The following GPD1L variants were observed in gnomAD, a reference collection of about 807,000 sequenced individuals.
GPD1L encodes glycerol-3-phosphate dehydrogenase 1-like protein.
A neutral mutation model predicts 32.9 loss-of-function variants in GPD1L; 17 were observed. The observed-to-expected ratio is 0.52, with a 90% CI of 0.35 to 0.78. The LOEUF is 0.78. Among genes scored for constraint, GPD1L ranks in the 30% least tolerant of loss-of-function variants. The pLI is 0.01. For missense variants in GPD1L, 361 were observed against 447.8 expected, an observed-to-expected ratio of 0.81 and a Z score of 1.75; for synonymous variants, 187 against 165.9, an observed-to-expected ratio of 1.13 and a Z score of -0.98.
At chr3:32,128,889 A>G (rs1312603828) in intron 2 of GPD1L, among the ~76,000 whole-genome samples, 1 of 152,228 alleles carries the variant, frequency 6.6e-6, no homozygotes, top group Non-Finnish European at 1.5e-5. Context: ...ATGGTCTGTA[A>G]TTAAAGTCAG....
chr3:32,163,661 T>C (rs1381706166), intron 7 of GPD1L, among the ~76,000 whole-genome samples: 1 of 152,204 alleles, frequency 6.6e-6, no homozygotes, highest in Non-Finnish European at 1.5e-5. Flanking sequence ...TTCAATTTAC[T>C]CATATATAGA....
intron 5 of GPD1L, among the ~76,000 whole-genome samples, chr3:32,158,035 C>A: frequency 6.6e-6 from 1 of 152,168 alleles, no homozygotes. Context: ...TAGGTCATAC[C>A]CAACAGGATT....
At chr3:32,123,839 TAGAC>T (rs139824495) in intron 1 of GPD1L, among the ~76,000 whole-genome samples, 3,682 of 134,484 alleles carry the variant, frequency 0.027, 51 homozygotes, top group African/African-American at 0.037. Context: ...GATAGATAGA[TAGAC>T]AGACAGATAA....
intron 5 of GPD1L, among the ~76,000 whole-genome samples, chr3:32,148,896 AG>A (rs1197602259): frequency 6.6e-6 from 1 of 152,264 alleles, no homozygotes; most frequent in Non-Finnish European, 1.5e-5. Flanking sequence ...AAAGGTGTAA[AG>A]AAGGAAGTAA....
chr3:32,163,351 G>A (rs1701099093), intron 7 of GPD1L, among the ~76,000 whole-genome samples: 1 of 151,808 alleles, frequency 6.6e-6, no homozygotes, highest in Non-Finnish European at 1.5e-5. Context: ...TGTATTTTTA[G>A]TAGAGACGGG....
At chr3:32,123,551 A>G (rs1186629491) in intron 1 of GPD1L, among the ~76,000 whole-genome samples, 1 of 152,002 alleles carries the variant, frequency 6.6e-6, no homozygotes, top group Admixed American at 6.6e-5. Context: ...TCGATCATAG[A>G]CCTGGAAGGA....
Position 32,125,674 on chromosome 3 carries a change from A to T in GPD1L, c.48-2402A>T, listed in dbSNP as rs531005800. 2.6e-5 allele frequency among the ~76,000 whole-genome samples: 4 copies of T among 152,174 alleles called. No homozygotes were observed. In the South Asian group the frequency reaches 8.3e-4, roughly 32 times the overall value. On this transcript the variant is annotated intron_variant, in intron 1 of 7. Transcript: ENST00000282541. ...CTGCTTCCACTTTCTTCCACCTCTT[A>T]CCACACACAGCATCATGAATGCCTT...
chr3:32,116,221 A>G (rs1245334850), intron 1 of GPD1L, among the ~76,000 whole-genome samples: 1 of 152,208 alleles, frequency 6.6e-6, no homozygotes, highest in Non-Finnish European at 1.5e-5. Flanking sequence ...ACACTTTGAC[A>G]ACTGTAATAT....
chr3:32,114,185 C>A (rs1302881951), intron 1 of GPD1L, among the ~76,000 whole-genome samples: 5 of 152,218 alleles, frequency 3.3e-5, no homozygotes, highest in African/African-American at 1.2e-4. Context: ...AGATGACCTC[C>A]TTCATGTCTG....
At chr3:32,137,339 G>A (rs1323207070) in intron 2 of GPD1L, among the ~76,000 whole-genome samples, 2 of 152,190 alleles carry the variant, frequency 1.3e-5, no homozygotes, top group African/African-American at 2.4e-5. Flanking sequence ...GGTTGGTGTA[G>A]CATCATGGTG....
intron 5 of GPD1L, among the ~76,000 whole-genome samples, chr3:32,149,641 A>G (rs1277085202): frequency 1.3e-5 from 2 of 152,120 alleles, no homozygotes; most frequent in Non-Finnish European, 2.9e-5. Flanking sequence ...TTAAAAATCA[A>G]CTTTAAGTGT....
At chr3:32,140,790 C>G (rs1700731990) in intron 4 of GPD1L, among the ~76,000 whole-genome samples, 1 of 152,118 alleles carries the variant, frequency 6.6e-6, no homozygotes, top group Admixed American at 6.6e-5. Context: ...TTGAATGACC[C>G]CCATTTTCAG....
Position 32,151,186 on chromosome 3 carries a change from T to TA in GPD1L, c.618+4454dup, listed in dbSNP as rs1465213986. 6.8e-6 allele frequency: 4 copies of TA among 591,410 alleles called. No individual in the cohort carries two copies. The African/African-American group carries it at 7.5e-5, about 11-fold the overall frequency. The allele number at this position is 591,410 out of a possible 1,614,324, so 36.6% of individuals were successfully genotyped here. ...GGTGGAGCAGGCTGGTACTTCAGTCTAATCCAGGTACCTTTCTCTTTGGCT... is the reference window on the plus strand; with the variant it reads ...GGTGGAGCAGGCTGGTACTTCAGTCTAAATCCAGGTACCTTTCTCTTTGGCT... On this transcript the variant is annotated intron_variant, in intron 5 of 7. Transcript: ENST00000282541.
intron 1 of GPD1L, among the ~76,000 whole-genome samples, chr3:32,107,709 C>A (rs1399051517): frequency 6.6e-6 from 1 of 152,128 alleles, no homozygotes; most frequent in Non-Finnish European, 1.5e-5. Flanking sequence ...GGTAGTTGGT[C>A]TTAGTTTTAC....
intron 5 of GPD1L, among the ~76,000 whole-genome samples, chr3:32,158,054 G>A (rs914690381): frequency 1.3e-5 from 2 of 152,214 alleles, no homozygotes; most frequent in Admixed American, 6.5e-5. Flanking sequence ...TTGCCTGCAC[G>A]TAGTCACCGG....
At chr3:32,157,764 C>T (rs1023202819) in intron 5 of GPD1L, among the ~76,000 whole-genome samples, 1 of 152,136 alleles carries the variant, frequency 6.6e-6, no homozygotes, top group Admixed American at 6.5e-5. Flanking sequence ...CAACCATAGA[C>T]GATGTGTAAA....
intron 4 of GPD1L, among the ~76,000 whole-genome samples, chr3:32,145,926 C>A (rs1386948284): frequency 6.6e-6 from 1 of 152,026 alleles, no homozygotes; most frequent in Non-Finnish European, 1.5e-5. Context: ...GTATCACGAA[C>A]CTCACATGCC....
intron 5 of GPD1L, among the ~76,000 whole-genome samples, chr3:32,148,684 C>T (rs992515435): frequency 6.6e-6 from 1 of 152,176 alleles, no homozygotes; most frequent in South Asian, 2.1e-4. Context: ...TTAAGACTCT[C>T]AGCCCAGTTT....
At chr3:32,121,830 G>A (rs1269170835) in intron 1 of GPD1L, among the ~76,000 whole-genome samples, 3 of 149,282 alleles carry the variant, frequency 2.0e-5, no homozygotes, top group East Asian at 3.9e-4. Context: ...GAGTGCAGTG[G>A]TGTGATTTCA....
Sources: allele counts gnomAD v4.1 joint callset (sites outside exome capture counted in the v4.1 genomes callset), GRCh38; gene constraint gnomAD v4.1.1; transcripts MANE v1.5; gene names NCBI Gene and HGNC (gene_info 2026-07-23, HGNC 2026-07-21).